The following PRKN variants were observed in gnomAD, a reference collection of about 807,000 sequenced individuals.
The protein encoded by PRKN is E3 ubiquitin-protein ligase parkin.
In PRKN, 56 loss-of-function variants were observed where a neutral mutation model predicts 59.5. The ratio of observed to expected loss-of-function variants is 0.94; its 90% CI spans 0.76 to 1.18. PRKN has a LOEUF of 1.18. Among genes scored for constraint, PRKN ranks in the 50% most tolerant of loss-of-function variants. PRKN has a pLI of 0.00. For synonymous variants in PRKN, 250 were observed against 222.1 expected (o/e 1.13, Z -1.12); for missense variants, 657 against 596.4 (o/e 1.10, Z -1.06).
At chr6:162,577,322 AG>A (rs1353519217) in intron 1 of PRKN, among the ~76,000 whole-genome samples, 2 of 152,150 alleles carry the variant, frequency 1.3e-5, no homozygotes, top group Non-Finnish European at 1.5e-5. Context: ...AAAATGGGCC[AG>A]GCACGGTGGC....
At chr6:162,300,680 T>G (rs1488806460) in intron 2 of PRKN, among the ~76,000 whole-genome samples, 1 of 151,836 alleles carries the variant, frequency 6.6e-6, no homozygotes, top group Non-Finnish European at 1.5e-5. Flanking sequence ...CAAGAAAGAG[T>G]CAAGAGCCAG....
intron 2 of PRKN, among the ~76,000 whole-genome samples, chr6:162,420,072 G>C (rs1272819450): frequency 1.3e-5 from 2 of 151,880 alleles, no homozygotes; most frequent in Non-Finnish European, 2.9e-5. Flanking sequence ...TCTATTATTT[G>C]TACTTTGTAA....
chr6:162,671,100 A>G (rs1779300280), intron 1 of PRKN, among the ~76,000 whole-genome samples: 1 of 152,196 alleles, frequency 6.6e-6, no homozygotes, highest in African/African-American at 2.4e-5. Context: ...ATCAAGCTCT[A>G]TATGTAACAC....
intron 9 of PRKN, among the ~76,000 whole-genome samples, chr6:161,540,866 C>T (rs781186503): frequency 7.2e-5 from 11 of 152,210 alleles, no homozygotes; most frequent in Non-Finnish European, 1.5e-4. Context: ...GATTGCAGCT[C>T]TCTGCTCCAC....
chr6:161,852,828 G>T (rs560229282), intron 6 of PRKN, among the ~76,000 whole-genome samples: 1 of 152,290 alleles, frequency 6.6e-6, no homozygotes, highest in South Asian at 2.1e-4. Flanking sequence ...ACTTGAGAAA[G>T]AACAGTTTTG....
chr6:162,626,512 A>G (rs77178714), intron 1 of PRKN, among the ~76,000 whole-genome samples: 1 of 152,180 alleles, frequency 6.6e-6, no homozygotes, highest in Non-Finnish European at 1.5e-5. Flanking sequence ...ATTTAAAAAA[A>G]CTATCTGGAT....
chr6:162,701,909 C>G (rs1776686114), intron 1 of PRKN, among the ~76,000 whole-genome samples: 1 of 150,816 alleles, frequency 6.6e-6, no homozygotes, highest in African/African-American at 2.4e-5. Flanking sequence ...ATGAAACCAA[C>G]AGAAGCTCAT....
intron 1 of PRKN, among the ~76,000 whole-genome samples, chr6:162,448,202 C>T (rs1174845364): frequency 1.3e-5 from 2 of 152,074 alleles, no homozygotes; most frequent in Non-Finnish European, 2.9e-5. Flanking sequence ...ATTGCGGCAA[C>T]ACAAAAGTAA....
intron 6 of PRKN, among the ~76,000 whole-genome samples, chr6:161,928,426 G>A (rs2096815): frequency 0.039 from 5,937 of 152,190 alleles, 370 homozygotes; most frequent in African/African-American, 0.14. Context: ...GACTCACTGT[G>A]TAGATTAGAA....
intron 1 of PRKN, among the ~76,000 whole-genome samples, chr6:162,521,544 C>T (rs1778078772): frequency 6.6e-6 from 1 of 152,098 alleles, no homozygotes; most frequent in Admixed American, 6.6e-5. Flanking sequence ...TGTATTATAA[C>T]CCCTTCTTGG....
chr6:162,565,115 G>A (rs1361130621), intron 1 of PRKN, among the ~76,000 whole-genome samples: 1 of 152,170 alleles, frequency 6.6e-6, no homozygotes. Flanking sequence ...TAAAATGCCA[G>A]GGGATAAAGT....
chr6:161,881,016 C>T (rs1794916149), intron 6 of PRKN, among the ~76,000 whole-genome samples: 1 of 152,140 alleles, frequency 6.6e-6, no homozygotes, highest in Admixed American at 6.5e-5. Flanking sequence ...TAGTTAAAGA[C>T]ATATTTTCAT....
intron 1 of PRKN, among the ~76,000 whole-genome samples, chr6:162,698,006 C>T (rs1275659115): frequency 6.6e-6 from 1 of 152,126 alleles, no homozygotes; most frequent in Admixed American, 6.5e-5. Flanking sequence ...TGCCTGTTTC[C>T]CTTACAAACA....
intron 7 of PRKN, among the ~76,000 whole-genome samples, chr6:161,644,787 A>C (rs1294930687): frequency 1.3e-5 from 2 of 152,226 alleles, no homozygotes; most frequent in Admixed American, 6.5e-5. Flanking sequence ...CAGCTTCGAG[A>C]CGTCATTTGA....
At chr6:162,104,210 G>A (rs188757268) in intron 4 of PRKN, among the ~76,000 whole-genome samples, 1 of 152,096 alleles carries the variant, frequency 6.6e-6, no homozygotes, top group African/African-American at 2.4e-5. Flanking sequence ...TGGTTGGAAG[G>A]GGTGAATGAG....
At chr6:162,257,144 T>C (rs1022347005) in intron 3 of PRKN, among the ~76,000 whole-genome samples, 17 of 152,160 alleles carry the variant, frequency 1.1e-4, no homozygotes, top group African/African-American at 3.9e-4. Context: ...CTCTATTTCA[T>C]GACATGTCTC....
chr6:161,750,658 T>A (rs1398231459), intron 7 of PRKN, among the ~76,000 whole-genome samples: 1 of 150,498 alleles, frequency 6.6e-6, no homozygotes, highest in East Asian at 2.0e-4. Context: ...TCCCAGCTAC[T>A]AGGGAGGCTG....
At chr6:162,444,736 A>G (rs1462663703) in intron 1 of PRKN, among the ~76,000 whole-genome samples, 1 of 152,130 alleles carries the variant, frequency 6.6e-6, no homozygotes. Context: ...AGGATAGCAC[A>G]CGGGTTAAAA....
At chr6:162,546,397 C>T (rs1162039184) in intron 1 of PRKN, among the ~76,000 whole-genome samples, 1 of 151,902 alleles carries the variant, frequency 6.6e-6, no homozygotes, top group African/African-American at 2.4e-5. Context: ...GCTACAGCAC[C>T]AGGTCGGTGT....
Sources: allele counts gnomAD v4.1 joint callset (sites outside exome capture counted in the v4.1 genomes callset), GRCh38; gene constraint gnomAD v4.1.1; transcripts MANE v1.5; gene names NCBI Gene and HGNC (gene_info 2026-07-23, HGNC 2026-07-21).